Variants in SIDT1 observed in about 807,000 individuals in gnomAD.
SIDT1 encodes the protein SID1 transmembrane family member 1.
SIDT1 carries 101 observed loss-of-function variants against 107.5 expected under a neutral mutation model. The ratio of observed to expected loss-of-function variants is 0.94; its 90% confidence interval spans 0.80 to 1.11. The LOEUF is 1.11. Ranked by LOEUF, SIDT1 falls within the 50% of genes least tolerant of loss-of-function variation. The probability of loss-of-function intolerance (pLI) is 0.00; values close to 1 mark genes in which losing one functional copy is unlikely to be tolerated. For missense variants in SIDT1, 1,076 were observed against 1,058.2 expected (o/e 1.02, Z -0.23); for synonymous variants, 395 against 398.2 (o/e 0.99, Z 0.10).
intron 1 of SIDT1, among the ~76,000 whole-genome samples, chr3:113,561,225 C>A (rs1215705061): frequency 6.6e-6 from 1 of 152,176 alleles, no homozygotes; most frequent in Non-Finnish European, 1.5e-5. Flanking sequence ...AAAGGCAAAG[C>A]AAATTTTGAT....
chr3:113,578,481 A>G (rs1427775826), intron 4 of SIDT1, among the ~76,000 whole-genome samples: 9 of 151,720 alleles, frequency 5.9e-5, no homozygotes, highest in South Asian at 2.1e-4. Flanking sequence ...AAAAAAAAAA[A>G]AAGAAGAGGA....
intron 16 of SIDT1, 63 bp from the exon 17 acceptor site, chr3:113,608,356 A>T (rs1372643654): frequency 6.5e-7 from 1 of 1,533,290 alleles, no homozygotes; most frequent in African/African-American, 1.4e-5. Flanking sequence ...GTGCTTCCAG[A>T]TTAGTGACTT....
intron 1 of SIDT1, among the ~76,000 whole-genome samples, chr3:113,549,022 C>T (rs1359899469): frequency 6.6e-6 from 1 of 152,162 alleles, no homozygotes; most frequent in Non-Finnish European, 1.5e-5. Flanking sequence ...TTCATACTTG[C>T]TTCTTCTACA....
downstream of SIDT1, among the ~76,000 whole-genome samples, chr3:113,631,643 C>A (rs533185082): frequency 6.6e-6 from 1 of 152,086 alleles, no homozygotes; most frequent in African/African-American, 2.4e-5. Context: ...CCCATGAATT[C>A]GAGGAATCTG....
chr3:113,534,178 AC>A (rs973025926), intron 1 of SIDT1, among the ~76,000 whole-genome samples: 1 of 152,174 alleles, frequency 6.6e-6, no homozygotes, highest in African/African-American at 2.4e-5. Flanking sequence ...TGTATCCCTT[AC>A]TATACCAGCA....
At chr3:113,569,388 T>G (rs1942242700) in intron 3 of SIDT1, among the ~76,000 whole-genome samples, 1 of 152,164 alleles carries the variant, frequency 6.6e-6, no homozygotes, top group African/African-American at 2.4e-5. Context: ...TTTTAAAAAA[T>G]CGGAATATTT....
chr3:113,540,369 A>G (rs1159156694), intron 1 of SIDT1, among the ~76,000 whole-genome samples: 1 of 152,228 alleles, frequency 6.6e-6, no homozygotes, highest in Non-Finnish European at 1.5e-5. Context: ...AACTACAGCA[A>G]TTACTCATTT....
intron 19 of SIDT1, among the ~76,000 whole-genome samples, chr3:113,613,941 AG>A (rs1368329406): frequency 6.6e-6 from 1 of 152,236 alleles, no homozygotes; most frequent in Non-Finnish European, 1.5e-5. Context: ...ACACAAAGAT[AG>A]AGAAGGATTT....
intron 20 of SIDT1, among the ~76,000 whole-genome samples, chr3:113,617,110 A>G (rs1946164618): frequency 6.6e-6 from 1 of 152,188 alleles, no homozygotes; most frequent in Admixed American, 6.5e-5. Context: ...TGGAAGTGAA[A>G]GGGCACACTG....
At position 113,628,164 on chromosome 3, in the gene SIDT1, C is replaced by A. The variant is rs1304182257; in HGVS notation, c.*456C>A. 2 of 158,392 alleles carry A rather than the reference C, an allele frequency of 1.3e-5. No individual in the cohort carries two copies. The highest frequency in any genetic ancestry group is 2.8e-5 in the Non-Finnish European group (2 of 71,802). The allele number at this position is 158,392 out of a possible 1,614,324, so 9.8% of individuals were successfully genotyped here. ...CCCCTTCACACCTCTGCAACACCTG[C>A]TGCTCCAGCAAGAGGATGTGATTCT... On this transcript the variant is annotated 3_prime_UTR_variant, in exon 25 of 25. Transcript: ENST00000264852.
chr3:113,607,145 CA>C, intron 15 of SIDT1, 31 bp downstream of exon 15: 1 of 1,343,858 alleles, frequency 7.4e-7, no homozygotes, highest in Non-Finnish European at 1.0e-6. Context: ...GCCCATGAGG[CA>C]TTTAGAGATG....
At chr3:113,541,848 T>C (rs1272866800) in intron 1 of SIDT1, among the ~76,000 whole-genome samples, 1 of 152,000 alleles carries the variant, frequency 6.6e-6, no homozygotes, top group Non-Finnish European at 1.5e-5. Context: ...ACTACCTGGA[T>C]TCCTGAAAGA....
chr3:113,600,959 T>C (rs890170354), intron 10 of SIDT1, among the ~76,000 whole-genome samples: 51 of 152,224 alleles, frequency 3.4e-4, no homozygotes, highest in African/African-American at 4.8e-5. Flanking sequence ...ATCTGTGTGC[T>C]AAGGGCCCTG....
Position 113,628,941 on chromosome 3 carries a change from A to G in SIDT1, c.*1233A>G, listed in dbSNP as rs1947019515. 6.6e-6 allele frequency: 1 copy of G among 151,870 alleles called. No homozygotes were observed. Among genetic ancestry groups the G allele is most frequent in the Admixed American group, 6.6e-5 (1 of 15,254 alleles). 9.4% of individuals were successfully genotyped at this position (151,870 alleles called of 1,614,324 possible). ...TTGGCAAGCTCAGCATCTGGGTTCC[A>G]CTCTCACACTGTCTGGCAGCTCTGT... On this transcript the variant is annotated 3_prime_UTR_variant, in exon 25 of 25. Coordinates refer to ENST00000264852, the MANE Select transcript of SIDT1 (RefSeq NM_017699.3).
chr3:113,612,929 AAGCCTGCAT>A (rs1462120297), intron 19 of SIDT1, among the ~76,000 whole-genome samples: 1 of 152,222 alleles, frequency 6.6e-6, no homozygotes, highest in East Asian at 1.9e-4. Flanking sequence ...GTCCAAATAA[AAGCCTGCAT>A]AGCTTATGTG....
At chr3:113,601,362 C>A in intron 10 of SIDT1, 1 of 386,298 alleles carries the variant, frequency 2.6e-6, no homozygotes, top group Non-Finnish European at 4.6e-6. Flanking sequence ...GATTTTTTCC[C>A]CAGTCATTTA....
intron 1 of SIDT1, among the ~76,000 whole-genome samples, chr3:113,546,096 G>A (rs1939551322): frequency 6.6e-6 from 1 of 152,180 alleles, no homozygotes; most frequent in South Asian, 2.1e-4. Flanking sequence ...TGGAGTACCA[G>A]GAGACACGTG....
intron 1 of SIDT1, among the ~76,000 whole-genome samples, chr3:113,564,181 C>A (rs550282564): frequency 6.6e-6 from 1 of 152,322 alleles, no homozygotes; most frequent in East Asian, 1.9e-4. Flanking sequence ...CTCAGGTGAT[C>A]CACCCACCTC....
In SIDT1 at chr3:113,604,795, A is replaced by G. The variant is rs1196126068; in HGVS notation, c.1338-115A>G. ...AGAACCACATAATCAGCTTCTGGTT[A>G]CTTTTGCAAGTTAATTATGGACTTA... On this transcript the variant is annotated intron_variant, in intron 13 of 24. Transcript: ENST00000264852. 3 of 1,184,642 alleles carry G rather than the reference A, an allele frequency of 2.5e-6. No homozygotes were observed. In the South Asian group the frequency reaches 3.9e-5, roughly 15 times the overall value. The allele number at this position is 1,184,642 out of a possible 1,614,324, so 73.4% of individuals were successfully genotyped here.
Sources: allele counts gnomAD v4.1 joint callset (sites outside exome capture counted in the v4.1 genomes callset), GRCh38; gene constraint gnomAD v4.1.1; transcripts MANE v1.5; gene names NCBI Gene and HGNC (gene_info 2026-07-23, HGNC 2026-07-21).